Variants in MKLN1 observed in about 807,000 individuals in gnomAD.
MKLN1 encodes the protein muskelin 1, also known as muskelin.
In MKLN1, 18 loss-of-function variants were observed where a neutral mutation model predicts 99.0. The ratio of observed to expected loss-of-function variants is 0.18; its 90% CI spans 0.13 to 0.27. The LOEUF (loss-of-function observed/expected upper bound fraction) is 0.27. Among genes scored for constraint, MKLN1 ranks in the 10% least tolerant of loss-of-function variants. The probability of loss-of-function intolerance (pLI) is 1.00; values close to 1 mark genes in which losing one functional copy is unlikely to be tolerated. For missense variants in MKLN1, 621 were observed against 875.9 expected, an observed-to-expected ratio of 0.71 and a Z score of 3.67; for synonymous variants, 288 against 293.2, an observed-to-expected ratio of 0.98 and a Z score of 0.18.
At chr7:131,222,083 G>C (rs1046217358) in intron 3 of MKLN1, among the ~76,000 whole-genome samples, 3 of 151,848 alleles carry the variant, frequency 2.0e-5, no homozygotes, top group African/African-American at 7.3e-5. Context: ...TTTTAGTAGA[G>C]ATGGGGTTTC....
At chr7:131,171,122 T>G (rs1042303464) in intron 2 of MKLN1, among the ~76,000 whole-genome samples, 22 of 152,158 alleles carry the variant, frequency 1.4e-4, no homozygotes, top group African/African-American at 5.3e-4. Context: ...GGATACCAAG[T>G]GTTTGAAATC....
chr7:131,278,920 C>T (rs760243327), intron 3 of MKLN1, among the ~76,000 whole-genome samples: 53 of 152,266 alleles, frequency 3.5e-4, no homozygotes, highest in Non-Finnish European at 5.7e-4. Context: ...TTTTTGCATG[C>T]ACTGTTATTC....
At chr7:131,311,295 GT>G (rs960238988) in intron 3 of MKLN1, 7 of 152,058 alleles carry the variant, frequency 4.6e-5, no homozygotes, top group Middle Eastern at 6.3e-3. Context: ...AAAACTAATT[GT>G]TTTAGATAGC....
chr7:131,125,166 G>A (rs189559121), intron 1 of MKLN1, among the ~76,000 whole-genome samples: 48 of 152,322 alleles, frequency 3.2e-4, no homozygotes, highest in African/African-American at 1.0e-3. Flanking sequence ...ACAGGGACAC[G>A]ATATAGGGGT....
intron 1 of MKLN1, among the ~76,000 whole-genome samples, chr7:131,350,634 G>C (rs997471690): frequency 6.6e-6 from 1 of 152,166 alleles, no homozygotes; most frequent in Non-Finnish European, 1.5e-5. Context: ...TTATTGCCAC[G>C]TGGGCATCTC....
At chr7:131,271,831 C>T (rs1383960123) in intron 3 of MKLN1, among the ~76,000 whole-genome samples, 1 of 151,804 alleles carries the variant, frequency 6.6e-6, no homozygotes, top group East Asian at 1.9e-4. Context: ...ATCACTTGAA[C>T]CCAGGAGGCA....
intron 3 of MKLN1, among the ~76,000 whole-genome samples, chr7:131,318,669 G>GT (rs1298095510): frequency 1.3e-5 from 2 of 152,126 alleles, no homozygotes; most frequent in South Asian, 2.1e-4. Context: ...TCCAGAGGTA[G>GT]TTTTTTTAAA....
intron 3 of MKLN1, chr7:131,242,994 C>T (rs183640304): frequency 6.9e-5 from 42 of 605,872 alleles, no homozygotes; most frequent in East Asian, 6.2e-4. Context: ...CCAGAAGCTG[C>T]GGTTTTAGAT....
At position 131,466,313 on chromosome 7, in the gene MKLN1, G is replaced by C. The variant is rs1363596630; in HGVS notation, c.1826G>C (p.Cys609Ser). The change falls in exon 15 of 18, where the codon TGC (cysteine) becomes TCC (serine). Residue 609 changes from cysteine (C) to serine (S), a missense_variant. Physicochemically the swap from Cys to Ser is moderately radical, Grantham distance 112 (BLOSUM62 -1). Transcript: ENST00000352689. ...YLFGGNPGKSCSPKMRLDDFW... is the reference protein window; with the variant it reads ...YLFGGNPGKSSSPKMRLDDFW... The stretch of plus-strand genomic sequence containing the variant: ...TTTGGTGGGAATCCAGGAAAATCTT[G>C]CTCTCCAAAGATGAGATTAGATGAC... The C allele has an allele frequency of 1.2e-6, 2 of 1,603,914 alleles. No homozygotes were observed. Among genetic ancestry groups the C allele is most frequent in the Admixed American group, 3.4e-5 (2 of 59,434 alleles).
intron 1 of MKLN1, among the ~76,000 whole-genome samples, chr7:131,360,464 T>A (rs1799997313): frequency 6.6e-6 from 1 of 152,204 alleles, no homozygotes; most frequent in Admixed American, 6.5e-5. Context: ...TCTTTTTAAC[T>A]TGTTTTTAGT....
At chr7:131,244,891 G>A (rs147025688) in intron 3 of MKLN1, among the ~76,000 whole-genome samples, 1 of 152,180 alleles carries the variant, frequency 6.6e-6, no homozygotes, top group African/African-American at 2.4e-5. Context: ...TCTGTGGAAA[G>A]GCAGGGAAAA....
At chr7:131,153,667 T>TTG (rs1217820767) in intron 2 of MKLN1, among the ~76,000 whole-genome samples, 7 of 147,316 alleles carry the variant, frequency 4.8e-5, no homozygotes, top group East Asian at 3.9e-4. Flanking sequence ...TTTTTTGGTT[T>TTG]TTTTTTTTTT....
At chr7:131,365,755 G>T (rs1411628621) in intron 1 of MKLN1, among the ~76,000 whole-genome samples, 1 of 152,056 alleles carries the variant, frequency 6.6e-6, no homozygotes, top group African/African-American at 2.4e-5. Context: ...GATGATCGTA[G>T]GTATGTGGCC....
At chr7:131,112,400 G>T (rs570488264) in intron 1 of MKLN1, among the ~76,000 whole-genome samples, 1 of 152,318 alleles carries the variant, frequency 6.6e-6, no homozygotes, top group Non-Finnish European at 1.5e-5. Context: ...TGAGGGAAAT[G>T]ATGGGAAATG....
chr7:131,339,936 T>C (rs1799357676), intron 1 of MKLN1, among the ~76,000 whole-genome samples: 1 of 152,102 alleles, frequency 6.6e-6, no homozygotes, highest in Non-Finnish European at 1.5e-5. Flanking sequence ...CTAATATTTA[T>C]TATGGCCAGT....
chr7:131,150,199 A>G (rs561954788), intron 2 of MKLN1, among the ~76,000 whole-genome samples: 11 of 152,200 alleles, frequency 7.2e-5, no homozygotes, highest in Non-Finnish European at 1.5e-4. Flanking sequence ...ACCATTGTTC[A>G]TAACTTAAAA....
Position 131,399,044 on chromosome 7 carries a change from T to C in MKLN1, c.511-197T>C, listed in dbSNP as rs905325088. On this transcript the variant is annotated intron_variant, in intron 5 of 17. Coordinates refer to ENST00000352689, the MANE Select transcript of MKLN1 (RefSeq NM_013255.5). Reference sequence around the variant, plus strand: ...ATATTTTGTGACCTTGAGCAAGTTATTGGAACAGGCCAAGCTTTAGTTTTG... The same window carrying C: ...ATATTTTGTGACCTTGAGCAAGTTACTGGAACAGGCCAAGCTTTAGTTTTG... Among the ~76,000 whole-genome samples the C allele has an allele frequency of 4.6e-5, 7 of 152,218 alleles. No homozygotes were observed. The East Asian group carries it at 1.2e-3, about 25-fold the overall frequency.
intron 2 of MKLN1, among the ~76,000 whole-genome samples, chr7:131,386,730 T>C (rs1471490636): frequency 6.6e-6 from 1 of 152,186 alleles, no homozygotes; most frequent in Non-Finnish European, 1.5e-5. Flanking sequence ...CAAACATTGG[T>C]TTAGTTATTG....
At chr7:131,301,858 A>T (rs898884947) in intron 3 of MKLN1, among the ~76,000 whole-genome samples, 1 of 152,208 alleles carries the variant, frequency 6.6e-6, no homozygotes, top group East Asian at 1.9e-4. Flanking sequence ...CAAGGGGAAG[A>T]GGTGGAGATA....
Sources: allele counts gnomAD v4.1 joint callset (sites outside exome capture counted in the v4.1 genomes callset), GRCh38; gene constraint gnomAD v4.1.1; transcripts MANE v1.5; gene names NCBI Gene and HGNC (gene_info 2026-07-23, HGNC 2026-07-21).